Variants in KIAA0753 observed in about 807,000 individuals in gnomAD.
The protein encoded by KIAA0753 is protein moonraker.
In KIAA0753, 114 loss-of-function variants were observed where a neutral mutation model predicts 116.9. The observed-to-expected ratio is 0.98, with a 90% CI of 0.84 to 1.14. The LOEUF (loss-of-function observed/expected upper bound fraction) is 1.14, where lower values mean the gene tolerates loss of function less well. Ranked by LOEUF, KIAA0753 falls within the 50% of genes most tolerant of loss-of-function variation. The probability of loss-of-function intolerance (pLI) is 0.00; values close to 1 mark genes in which losing one functional copy is unlikely to be tolerated. For missense variants in KIAA0753, 1,156 were observed against 1,172.4 expected (o/e 0.99, Z 0.20); for synonymous variants, 405 against 413.1 (o/e 0.98, Z 0.24).
chr17:6,590,361 T>C (rs1968904400), intron 17 of KIAA0753, 149 bp downstream of exon 17: 3 of 833,954 alleles, frequency 3.6e-6, no homozygotes, highest in South Asian at 3.4e-5. Flanking sequence ...CTTGTAAACA[T>C]GCTATTTACT....
At chr17:6,611,880 T>C in intron 8 of KIAA0753, 39 bp downstream of exon 8, 1 of 1,566,418 alleles carries the variant, frequency 6.4e-7, no homozygotes, top group Non-Finnish European at 8.8e-7. Flanking sequence ...CAATGTCAGA[T>C]TAACACAAAT....
At position 6,620,868 on chromosome 17, in the gene KIAA0753, C is replaced by T. The variant is rs954215723; in HGVS notation, c.1235G>A (p.Gly412Asp). Reference sequence around the variant, plus strand: ...CTTTGCTGTGAGGGGCCTCCTCTCACCCTTTGGTGATGTACTTGGCCATCT... The same window carrying T: ...CTTTGCTGTGAGGGGCCTCCTCTCATCCTTTGGTGATGTACTTGGCCATCT... The part of the protein sequence containing the change: ...LERWPSTSPK[G>D]ERRPLTAKDT... The change falls in exon 7 of 19, where the codon GGT becomes GAT. Residue 412 changes from glycine (G) to aspartate (D), a missense_variant. Coordinates refer to ENST00000361413, the MANE Select transcript of KIAA0753 (RefSeq NM_014804.3). 2 of 1,614,050 alleles carry T rather than the reference C, an allele frequency of 1.2e-6. No homozygotes were observed. The highest frequency in any genetic ancestry group is 1.1e-5 in the South Asian group (1 of 91,090).
At chr17:6,597,196 A>G (rs183199526) in intron 14 of KIAA0753, among the ~76,000 whole-genome samples, 2 of 152,366 alleles carry the variant, frequency 1.3e-5, no homozygotes, top group Admixed American at 6.5e-5. Context: ...CACTCAATGA[A>G]TGGTTACAGC....
chr17:6,609,778 T>C (rs888177240), intron 9 of KIAA0753, among the ~76,000 whole-genome samples: 1 of 152,200 alleles, frequency 6.6e-6, no homozygotes, highest in East Asian at 1.9e-4. Context: ...GGGTGGCCCA[T>C]GGAAGGGTGT....
intron 2 of KIAA0753, among the ~76,000 whole-genome samples, chr17:6,631,648 G>A (rs1287926136): frequency 2.0e-5 from 3 of 152,102 alleles, no homozygotes; most frequent in Admixed American, 6.6e-5. Context: ...ATGTGAGTAC[G>A]GGTGTGCATT....
intron 6 of KIAA0753, 47 bp downstream of exon 6, chr17:6,622,835 C>T (rs770175007): frequency 6.8e-7 from 1 of 1,480,766 alleles, no homozygotes; most frequent in South Asian, 1.1e-5. Context: ...TAATAGTAAG[C>T]ATTACTTCCA....
At chr17:6,624,732 A>G (rs772113124) in intron 4 of KIAA0753, 23 bp downstream of exon 4, 13 of 1,506,150 alleles carry the variant, frequency 8.6e-6, no homozygotes, top group East Asian at 2.4e-5. Context: ...TGACTGCCCT[A>G]CTTCTCCCTG....
chr17:6,608,524 C>A, intron 9 of KIAA0753, 60 bp from the exon 10 acceptor site: 2 of 874,444 alleles, frequency 2.3e-6, no homozygotes, highest in South Asian at 2.6e-5. Context: ...ATGACTCATC[C>A]AAGTAGGTGC....
rs745564947 is a variant in KIAA0753 at position 6,596,161 on chromosome 17, C to T, written c.2355G>A (p.Met785Ile). 1.9e-6 allele frequency: 3 copies of T among 1,613,190 alleles called. No homozygotes were observed. In the East Asian group the frequency reaches 6.7e-5, roughly 36 times the overall value. ...GACCCGGAGCCCCAGACCTTACTTC[C>T]ATCTCTTCCATTCGGCGCATCATGA... is the stretch of plus-strand genomic sequence containing the variant. Reference protein sequence around the residue: ...LEIMMRRMEEMEKYQESVRQR... With the variant: ...LEIMMRRMEEIEKYQESVRQR... Residue 785 changes from methionine (M) to isoleucine (I), a missense_variant, in exon 15 of 19, where the codon ATG becomes ATA. By Grantham distance (10) the Met-to-Ile change is conservative. Transcript: ENST00000361413.
In KIAA0753 at chr17:6,608,405, T is replaced by G; in HGVS notation, c.1772A>C (p.Gln591Pro). 6.4e-7 allele frequency: 1 copy of G among 1,566,700 alleles called. No homozygotes were observed. The highest frequency in any genetic ancestry group is 8.7e-7 in the Non-Finnish European group (1 of 1,151,714). ...GTGACTTTCCTCTTGAGGATCTTCT[T>G]GCTGGAGAGGCTCTTTTGTGGCATC... ...PRDATKEPLQ[Q>P]EDPQEESHLT... Residue 591 changes from glutamine to proline, a missense_variant, in exon 10 of 19, where the codon CAA (glutamine) becomes CCA (proline). Transcript: ENST00000361413.
rs984607338 is a variant in KIAA0753 at position 6,579,554 on chromosome 17, T to A, written c.*193A>T. 17 of 589,464 alleles carry A rather than the reference T, an allele frequency of 2.9e-5. No individual in the cohort carries two copies. The South Asian group carries it at 3.5e-4, about 12-fold the overall frequency. 36.5% of individuals were successfully genotyped at this position (589,464 alleles called of 1,614,324 possible). A position where few individuals can be genotyped will look rare whatever the true frequency, so the allele number is the denominator to read the frequency against. Reference sequence around the variant, plus strand: ...TAAGTGTGATACATTGCATCATACATTTCCAGAACCATTGCCATGACAAAA... The same window carrying A: ...TAAGTGTGATACATTGCATCATACAATTCCAGAACCATTGCCATGACAAAA... On this transcript the variant is annotated 3_prime_UTR_variant, in exon 19 of 19. Coordinates refer to ENST00000361413, the MANE Select transcript of KIAA0753 (RefSeq NM_014804.3).
At chr17:6,589,719 T>C in intron 18 of KIAA0753, 60 bp downstream of exon 18, 2 of 1,320,308 alleles carry the variant, frequency 1.5e-6, no homozygotes, top group South Asian at 1.3e-5. Flanking sequence ...CTCCAGCTTT[T>C]TCTAAGTCTA....
At chr17:6,634,973 T>A (rs753303286) in intron 2 of KIAA0753, 38 bp downstream of exon 2, 1 of 1,289,238 alleles carries the variant, frequency 7.8e-7, no homozygotes, top group Non-Finnish European at 1.1e-6. Flanking sequence ...ATGTTTGAAA[T>A]ATTTAATAAT....
At position 6,611,908 on chromosome 17, in the gene KIAA0753, T is replaced by C. The variant is rs759113716; in HGVS notation, c.1545+11A>G. 1.9e-6 allele frequency: 3 copies of C among 1,608,526 alleles called. No homozygotes were observed. Among genetic ancestry groups the C allele is most frequent in the Non-Finnish European group, 2.6e-6 (3 of 1,175,510 alleles). ...ACACAAATGGGCCAAAAGAGAGGAATGATTTCATACTTGCTGTCTTGCTGG... is the reference window on the plus strand; with the variant it reads ...ACACAAATGGGCCAAAAGAGAGGAACGATTTCATACTTGCTGTCTTGCTGG... On this transcript the variant is annotated intron_variant, in intron 8 of 18. Transcript: ENST00000361413.
At chr17:6,604,050 G>A (rs1208798650) in intron 12 of KIAA0753, among the ~76,000 whole-genome samples, 1 of 152,160 alleles carries the variant, frequency 6.6e-6, no homozygotes, top group African/African-American at 2.4e-5. Context: ...GGAACAGACA[G>A]AGCCACTCTG....
At chr17:6,634,941 C>T in intron 2 of KIAA0753, 70 bp downstream of exon 2, 3 of 1,033,526 alleles carry the variant, frequency 2.9e-6, no homozygotes, top group Non-Finnish European at 4.5e-6. Flanking sequence ...AAAGTGTTCA[C>T]TGTCCTTTTC....
chr17:6,578,232 C>G lies in KIAA0753; in HGVS notation c.*1515G>C, dbSNP rs770873521. The G allele has an allele frequency of 6.6e-6, 1 of 151,834 alleles. No homozygotes were observed. Among genetic ancestry groups the G allele is most frequent in the Non-Finnish European group, 1.5e-5 (1 of 67,982 alleles). 9.4% of individuals were successfully genotyped at this position (151,834 alleles called of 1,614,324 possible). On this transcript the variant is annotated 3_prime_UTR_variant, in exon 19 of 19. Coordinates refer to ENST00000361413, the MANE Select transcript of KIAA0753 (RefSeq NM_014804.3). ...GGCAAATAATCCACTATAGTCATATCACATATAAAAGTATTCTCAGTGGTT... is the reference window on the plus strand; with the variant it reads ...GGCAAATAATCCACTATAGTCATATGACATATAAAAGTATTCTCAGTGGTT...
Position 6,620,908 on chromosome 17 carries a change from GGCTACCGATAGGAAATCT to G in KIAA0753, c.1177_1194del (p.Arg393_Ser398del). On this transcript the variant is annotated inframe_deletion, in exon 7 of 19. Coordinates refer to ENST00000361413, the MANE Select transcript of KIAA0753 (RefSeq NM_014804.3). ...CTTGGCCATCTCTCCAAGGCCTTTT[GGCTACCGATAGGAAATCT>G]GCTCCGAATTTCACTGAAACATTTT... The G allele has an allele frequency of 6.2e-7, 1 of 1,614,108 alleles. No individual in the cohort carries two copies. Among genetic ancestry groups the G allele is most frequent in the Non-Finnish European group, 8.5e-7 (1 of 1,180,006 alleles).
chr17:6,624,487 A>C (rs1452732901), intron 4 of KIAA0753, among the ~76,000 whole-genome samples: 1 of 151,782 alleles, frequency 6.6e-6, no homozygotes, highest in Non-Finnish European at 1.5e-5. Flanking sequence ...ATAGATTCTC[A>C]AAGGTCTATG....
Sources: gnomAD v4.1 joint callset for allele counts (sites outside exome capture counted in the v4.1 genomes callset) on GRCh38, gnomAD v4.1.1 for gene constraint, MANE v1.5 for transcripts, NCBI Gene and HGNC (gene_info 2026-07-23, HGNC 2026-07-21) for gene names.